The following TGFA variants were observed in gnomAD, a reference collection of about 807,000 sequenced individuals.
The protein encoded by TGFA is transforming growth factor alpha, also known as protransforming growth factor alpha.
A neutral mutation model predicts 21.7 loss-of-function variants in TGFA; 12 were observed. The observed-to-expected ratio is 0.55, with a 90% confidence interval of 0.35 to 0.90. The LOEUF (loss-of-function observed/expected upper bound fraction) is 0.90. Among genes scored for constraint, TGFA ranks in the 40% least tolerant of loss-of-function variants. TGFA has a pLI of 0.01. For missense variants in TGFA, 178 were observed against 210.8 expected (o/e 0.84, Z 0.96); for synonymous variants, 79 against 88.1 (o/e 0.90, Z 0.58).
intron 5 of TGFA, among the ~76,000 whole-genome samples, chr2:70,452,411 G>T (rs1553489779): frequency 6.6e-6 from 1 of 152,122 alleles, no homozygotes; most frequent in Non-Finnish European, 1.5e-5. Flanking sequence ...CATGGATGTT[G>T]GCGAAAATAT....
chr2:70,479,027 T>C (rs1671025481), intron 2 of TGFA, among the ~76,000 whole-genome samples: 1 of 152,262 alleles, frequency 6.6e-6, no homozygotes, highest in East Asian at 1.9e-4. Flanking sequence ...ATTTGTCATC[T>C]GATTTCATAT....
chr2:70,471,279 A>G (rs759981607), intron 2 of TGFA, among the ~76,000 whole-genome samples: 4 of 152,164 alleles, frequency 2.6e-5, no homozygotes, highest in Admixed American at 2.6e-4. Context: ...AGCTTGTCAC[A>G]GGTTTTCTGA....
At chr2:70,540,380 A>C (rs1370414573) in intron 1 of TGFA, among the ~76,000 whole-genome samples, 3 of 152,254 alleles carry the variant, frequency 2.0e-5, no homozygotes, top group Admixed American at 2.0e-4. Context: ...AGACAGACCC[A>C]AGTACTCCTA....
At chr2:70,523,377 A>G (rs1181540010) in intron 1 of TGFA, among the ~76,000 whole-genome samples, 1 of 152,192 alleles carries the variant, frequency 6.6e-6, no homozygotes, top group Non-Finnish European at 1.5e-5. Context: ...ACTTGCCACA[A>G]GGAGTTTACA....
At chr2:70,527,278 A>G (rs1206268805) in intron 1 of TGFA, among the ~76,000 whole-genome samples, 1 of 152,276 alleles carries the variant, frequency 6.6e-6, no homozygotes, top group Non-Finnish European at 1.5e-5. Flanking sequence ...ATGAAAATAA[A>G]TAAGCATCAA....
chr2:70,552,855 T>C (rs1673556090), intron 1 of TGFA, among the ~76,000 whole-genome samples: 1 of 152,216 alleles, frequency 6.6e-6, no homozygotes, highest in Non-Finnish European at 1.5e-5. Context: ...ACCTGCGCTA[T>C]TGATCAGCTA....
chr2:70,485,965 A>T (rs372815431), intron 2 of TGFA, among the ~76,000 whole-genome samples: 2 of 152,300 alleles, frequency 1.3e-5, no homozygotes, highest in East Asian at 3.9e-4. Context: ...CTCCTCCTGG[A>T]ACCGAGGACT....
chr2:70,534,847 A>G (rs1007398012), intron 1 of TGFA, among the ~76,000 whole-genome samples: 1 of 152,162 alleles, frequency 6.6e-6, no homozygotes, highest in Non-Finnish European at 1.5e-5. Flanking sequence ...CTGTTACACG[A>G]TGGTGCTCTC....
chr2:70,485,146 G>C (rs1477694657), intron 2 of TGFA, among the ~76,000 whole-genome samples: 1 of 152,118 alleles, frequency 6.6e-6, no homozygotes, highest in Non-Finnish European at 1.5e-5. Context: ...GGTAAGTCTT[G>C]TTTATAGCAA....
At chr2:70,535,425 G>A (rs1257053735) in intron 1 of TGFA, among the ~76,000 whole-genome samples, 2 of 152,164 alleles carry the variant, frequency 1.3e-5, no homozygotes, top group Non-Finnish European at 2.9e-5. Flanking sequence ...AAATAAATAT[G>A]TAGATACATA....
At chr2:70,521,761 C>T (rs782056624) in intron 1 of TGFA, among the ~76,000 whole-genome samples, 26 of 151,814 alleles carry the variant, frequency 1.7e-4, no homozygotes, top group Non-Finnish European at 2.4e-4. Context: ...ACCACAGGCA[C>T]GCGCCACCAT....
At chr2:70,478,551 G>T (rs987173321) in intron 2 of TGFA, among the ~76,000 whole-genome samples, 2 of 151,352 alleles carry the variant, frequency 1.3e-5, no homozygotes, top group East Asian at 3.9e-4. Flanking sequence ...ATCATATCTT[G>T]TTATAACTGG....
chr2:70,488,696 A>G (rs1234360250), intron 2 of TGFA, among the ~76,000 whole-genome samples: 1 of 152,168 alleles, frequency 6.6e-6, no homozygotes, highest in African/African-American at 2.4e-5. Context: ...AGAATCATTT[A>G]TAAGTTCTCT....
intron 1 of TGFA, among the ~76,000 whole-genome samples, chr2:70,546,841 C>T (rs779396603): frequency 6.6e-6 from 1 of 152,058 alleles, no homozygotes; most frequent in Non-Finnish European, 1.5e-5. Context: ...AGGTGTGAGC[C>T]ACCTTGCTTG....
chr2:70,527,826 G>A (rs1672685565), intron 1 of TGFA, among the ~76,000 whole-genome samples: 1 of 152,222 alleles, frequency 6.6e-6, no homozygotes, highest in South Asian at 2.1e-4. Flanking sequence ...GCACTGTGAA[G>A]TTGGATGACT....
intron 1 of TGFA, among the ~76,000 whole-genome samples, chr2:70,527,035 C>T (rs1392709298): frequency 6.6e-6 from 1 of 152,328 alleles, no homozygotes; most frequent in South Asian, 2.1e-4. Flanking sequence ...CTTTAGAAGA[C>T]AGTTTTTCAG....
intron 1 of TGFA, among the ~76,000 whole-genome samples, chr2:70,534,471 C>A (rs183526671): frequency 6.6e-6 from 1 of 152,116 alleles, no homozygotes; most frequent in African/African-American, 2.4e-5. Flanking sequence ...GACTTCCAGG[C>A]GTGTCACTCA....
At chr2:70,471,315 C>T (rs570038050) in intron 2 of TGFA, among the ~76,000 whole-genome samples, 7 of 152,134 alleles carry the variant, frequency 4.6e-5, no homozygotes, top group Non-Finnish European at 8.8e-5. Context: ...ACACTTGAGA[C>T]CTAAGTGGAC....
intron 1 of TGFA, among the ~76,000 whole-genome samples, chr2:70,543,790 C>T (rs1553505506): frequency 1.3e-5 from 2 of 152,222 alleles, no homozygotes; most frequent in East Asian, 1.9e-4. Flanking sequence ...CCTGATACTT[C>T]AACTAGCAGA....
Sources: allele counts gnomAD v4.1 joint callset (sites outside exome capture counted in the v4.1 genomes callset), GRCh38; gene constraint gnomAD v4.1.1; transcripts MANE v1.5; gene names NCBI Gene and HGNC (gene_info 2026-07-23, HGNC 2026-07-21).